The following ROBO2 variants were observed in gnomAD, a reference collection of about 807,000 sequenced individuals.
ROBO2 encodes roundabout guidance receptor 2, also known as roundabout homolog 2.
A neutral mutation model predicts 160.8 loss-of-function variants in ROBO2; 53 were observed. The observed-to-expected ratio is 0.33, with a 90% CI of 0.26 to 0.41. The LOEUF (loss-of-function observed/expected upper bound fraction) is 0.41. Ranked by LOEUF, ROBO2 falls within the 10% of genes least tolerant of loss-of-function variation. The pLI, the probability that ROBO2 is intolerant of heterozygous loss-of-function variation, is 1.00. For missense variants in ROBO2, 1,577 were observed against 1,722.4 expected (o/e 0.92, Z 1.49); for synonymous variants, 664 against 611.7 (o/e 1.09, Z -1.26).
chr3:76,395,506 A>AC (rs2077389157), intron 2 of ROBO2, among the ~76,000 whole-genome samples: 1 of 145,282 alleles, frequency 6.9e-6, no homozygotes, highest in Non-Finnish European at 1.5e-5. Flanking sequence ...ACAAAAAAAA[A>AC]CCTTCAAAAA....
intron 2 of ROBO2, among the ~76,000 whole-genome samples, chr3:76,765,514 T>C (rs2061531029): frequency 6.6e-6 from 1 of 151,638 alleles, no homozygotes; most frequent in Admixed American, 6.6e-5. Flanking sequence ...ATAGAAATGA[T>C]GCTGAATGAC....
At chr3:77,130,445 C>CA (rs10707513) in intron 2 of ROBO2, among the ~76,000 whole-genome samples, 1 of 152,040 alleles carries the variant, frequency 6.6e-6, no homozygotes, top group African/African-American at 2.4e-5. Flanking sequence ...AAGTAATTAG[C>CA]AAAAAAAAAT....
rs948115446 is a variant in ROBO2, at chr3:77,040,780, G to T, written c.-6G>T. 1 of 1,613,770 alleles carries T rather than the reference G, an allele frequency of 6.2e-7. No homozygotes were observed. The highest frequency in any genetic ancestry group is 8.5e-7 in the Non-Finnish European group (1 of 1,179,788). Reference sequence around the variant, plus strand: ...AAAGAATCTGGATCCTTTTTAATATGTCAAAATGAGTCTGCTGATGTTTAC... The same window carrying T: ...AAAGAATCTGGATCCTTTTTAATATTTCAAAATGAGTCTGCTGATGTTTAC... On this transcript the variant is annotated 5_prime_UTR_variant, in exon 1 of 26. It removes an upstream start codon present in the reference 5' UTR. Transcript: ENST00000461745.
rs2077484964 is a variant in ROBO2, at chr3:76,396,861, G to A, written c.109+459259G>A. 3.9e-5 allele frequency among the ~76,000 whole-genome samples: 6 copies of A among 152,176 alleles called. No homozygotes were observed. The South Asian group carries it at 1.2e-3, about 32-fold the overall frequency. On this transcript the variant is annotated intron_variant, in intron 2 of 26. Transcript: ENST00000487694. ...ATGGAAGAACATTCCATGCTCATGG[G>A]TAGGAAGAATCAATATTGTGGAAAT... is the stretch of plus-strand genomic sequence containing the variant.
At chr3:76,578,666 C>T (rs2085465911) in intron 2 of ROBO2, among the ~76,000 whole-genome samples, 1 of 152,054 alleles carries the variant, frequency 6.6e-6, no homozygotes, top group African/African-American at 2.4e-5. Flanking sequence ...GTTCTTTATT[C>T]CCTTTTCATA....
intron 2 of ROBO2, among the ~76,000 whole-genome samples, chr3:76,052,735 C>T (rs17013710): frequency 0.02 from 3,110 of 152,030 alleles, 41 homozygotes; most frequent in East Asian, 0.08. Flanking sequence ...TTGAAATTTT[C>T]CCTGCATAAT....
intron 2 of ROBO2, among the ~76,000 whole-genome samples, chr3:76,484,906 T>C (rs578068876): frequency 6.6e-6 from 1 of 152,278 alleles, no homozygotes; most frequent in East Asian, 1.9e-4. Flanking sequence ...AGGGACATTT[T>C]TTCTCAATCC....
intron 2 of ROBO2, among the ~76,000 whole-genome samples, chr3:76,765,611 C>T (rs2061535944): frequency 6.6e-6 from 1 of 151,666 alleles, no homozygotes; most frequent in African/African-American, 2.4e-5. Context: ...TACAATGAGA[C>T]CTTCCTGTTG....
At chr3:76,541,104 C>G (rs954060211) in intron 2 of ROBO2, among the ~76,000 whole-genome samples, 2 of 152,134 alleles carry the variant, frequency 1.3e-5, no homozygotes, top group African/African-American at 4.8e-5. Flanking sequence ...GAAGCCAATT[C>G]GACTTTTCAT....
At chr3:76,322,204 A>ATATATATATT (rs1320119727) in intron 2 of ROBO2, among the ~76,000 whole-genome samples, 2 of 114,054 alleles carry the variant, frequency 1.8e-5, no homozygotes, top group African/African-American at 3.7e-5. Flanking sequence ...ATATATATAT[A>ATATATATATT]ATATACACAC....
chr3:76,157,710 T>C (rs1294041563), intron 2 of ROBO2, among the ~76,000 whole-genome samples: 1 of 152,098 alleles, frequency 6.6e-6, no homozygotes, highest in Non-Finnish European at 1.5e-5. Flanking sequence ...TCCACAGTGT[T>C]ATAAAAAAAA....
chr3:76,678,590 AT>A (rs1466865148), intron 2 of ROBO2, among the ~76,000 whole-genome samples: 1 of 152,078 alleles, frequency 6.6e-6, no homozygotes, highest in Non-Finnish European at 1.5e-5. Context: ...AGGATCTATG[AT>A]TTTTGTTTTT....
intron 2 of ROBO2, among the ~76,000 whole-genome samples, chr3:76,948,334 T>G (rs537566167): frequency 3.9e-5 from 6 of 152,280 alleles, no homozygotes; most frequent in African/African-American, 1.4e-4. Flanking sequence ...TTCATGACTG[T>G]TATCAATTAA....
intron 2 of ROBO2, among the ~76,000 whole-genome samples, chr3:76,299,041 C>A (rs192034810): frequency 6.6e-6 from 1 of 152,162 alleles, no homozygotes; most frequent in African/African-American, 2.4e-5. Context: ...GCTCTTTCAG[C>A]GTGTTAGGCC....
intron 2 of ROBO2, among the ~76,000 whole-genome samples, chr3:76,967,230 CTTT>C (rs572930053): frequency 7.1e-6 from 1 of 140,660 alleles, no homozygotes; most frequent in Non-Finnish European, 1.6e-5. Flanking sequence ...CAAAATGTGC[CTTT>C]TTTTTTTTTT....
At chr3:76,901,490 A>G (rs6807007) in intron 2 of ROBO2, among the ~76,000 whole-genome samples, 21,312 of 147,560 alleles carry the variant, frequency 0.14, 1,976 homozygotes, top group Admixed American at 0.24. Flanking sequence ...ATTGCTTGAA[A>G]CTGGGAGGCA....
At chr3:77,615,834 C>T (rs1454688758) in intron 21 of ROBO2, among the ~76,000 whole-genome samples, 3 of 152,034 alleles carry the variant, frequency 2.0e-5, no homozygotes, top group Non-Finnish European at 4.4e-5. Context: ...AGCTTTTAAA[C>T]AAAATAAATG....
intron 2 of ROBO2, among the ~76,000 whole-genome samples, chr3:77,467,240 G>T (rs986403218): frequency 6.6e-6 from 1 of 152,130 alleles, no homozygotes; most frequent in African/African-American, 2.4e-5. Context: ...AAAAGTGCAT[G>T]TAAACAAATG....
At chr3:76,538,449 A>C (rs929171306) in intron 2 of ROBO2, among the ~76,000 whole-genome samples, 2 of 152,176 alleles carry the variant, frequency 1.3e-5, no homozygotes, top group Non-Finnish European at 2.9e-5. Flanking sequence ...TTAGGATATT[A>C]ATCATTTACA....
Sources: gnomAD v4.1 joint callset for allele counts (sites outside exome capture counted in the v4.1 genomes callset) on GRCh38, gnomAD v4.1.1 for gene constraint, MANE v1.5 for transcripts, NCBI Gene and HGNC (gene_info 2026-07-23, HGNC 2026-07-21) for gene names.